The following SLC29A3 variants were observed in gnomAD, a reference collection of about 807,000 sequenced individuals.
SLC29A3 encodes the protein solute carrier family 29 member 3.
In SLC29A3, 18 loss-of-function variants were observed where a neutral mutation model predicts 25.4. The observed-to-expected ratio is 0.71, with a 90% CI of 0.49 to 1.05. The LOEUF is 1.05. Among genes scored for constraint, SLC29A3 ranks in the 50% least tolerant of loss-of-function variants. The pLI is 0.00. For synonymous variants in SLC29A3, 258 were observed against 267.1 expected, an observed-to-expected ratio of 0.97 and a Z score of 0.33; for missense variants, 586 against 609.0, an observed-to-expected ratio of 0.96 and a Z score of 0.40.
intron 1 of SLC29A3, among the ~76,000 whole-genome samples, chr10:71,322,172 C>T (rs1845860172): frequency 6.6e-6 from 1 of 152,000 alleles, no homozygotes; most frequent in Non-Finnish European, 1.5e-5. Flanking sequence ...TTAGAGACAG[C>T]CACTGTTAGA....
downstream of SLC29A3, among the ~76,000 whole-genome samples, chr10:71,368,142 A>G (rs1395830964): frequency 6.6e-6 from 1 of 152,122 alleles, no homozygotes; most frequent in Non-Finnish European, 1.5e-5. Context: ...AGGCAGGAGG[A>G]TTGTTTGAGC....
chr10:71,330,218 C>T (rs563906618), intron 2 of SLC29A3, among the ~76,000 whole-genome samples: 2 of 152,322 alleles, frequency 1.3e-5, no homozygotes, highest in South Asian at 4.1e-4. Context: ...AGCCACCCTC[C>T]TCTTCCTTCC....
chr10:71,337,115 A>G (rs976186885), intron 2 of SLC29A3, among the ~76,000 whole-genome samples: 2 of 152,154 alleles, frequency 1.3e-5, no homozygotes, highest in Non-Finnish European at 2.9e-5. Context: ...GGCTGCATCT[A>G]GCCTCCTGCC....
At chr10:71,325,800 C>T (rs1321518271) in intron 2 of SLC29A3, among the ~76,000 whole-genome samples, 2 of 152,176 alleles carry the variant, frequency 1.3e-5, no homozygotes, top group Non-Finnish European at 2.9e-5. Flanking sequence ...ACAGGGCCTT[C>T]GAGCTACCAA....
At chr10:71,323,926 T>C (rs1538899) in intron 2 of SLC29A3, among the ~76,000 whole-genome samples, 71,927 of 152,010 alleles carry the variant, frequency 0.47, 17,952 homozygotes, top group African/African-American at 0.65. Flanking sequence ...GATCATTGCC[T>C]GGGGCCTTGA....
chr10:71,329,059 G>A (rs934287318), intron 2 of SLC29A3, among the ~76,000 whole-genome samples: 4 of 152,184 alleles, frequency 2.6e-5, no homozygotes, highest in African/African-American at 9.7e-5. Flanking sequence ...CTGCCATGCA[G>A]CCTGTACCCA....
chr10:71,320,659 T>A (rs373369600), intron 1 of SLC29A3, among the ~76,000 whole-genome samples: 1 of 152,196 alleles, frequency 6.6e-6, no homozygotes, highest in African/African-American at 2.4e-5. Context: ...CAGGGGAGTT[T>A]AAAATAGACT....
intron 2 of SLC29A3, among the ~76,000 whole-genome samples, chr10:71,334,853 T>G (rs1482133577): frequency 6.6e-6 from 1 of 152,198 alleles, no homozygotes; most frequent in Non-Finnish European, 1.5e-5. Context: ...CTGTTCCCTC[T>G]GTCCAGGCTC....
intron 4 of SLC29A3, among the ~76,000 whole-genome samples, chr10:71,378,945 T>C (rs1847281458): frequency 6.6e-6 from 1 of 152,212 alleles, no homozygotes; most frequent in Non-Finnish European, 1.5e-5. Context: ...AACACCACCT[T>C]AGATGAGAAC....
intron 2 of SLC29A3, among the ~76,000 whole-genome samples, chr10:71,337,673 A>G (rs928482226): frequency 6.6e-6 from 1 of 152,312 alleles, no homozygotes; most frequent in African/African-American, 2.4e-5. Context: ...AAAGTGCCCA[A>G]ATGGCATTCA....
chr10:71,358,558 T>C (rs1467066997), intron 5 of SLC29A3, among the ~76,000 whole-genome samples: 1 of 152,216 alleles, frequency 6.6e-6, no homozygotes, highest in Non-Finnish European at 1.5e-5. Flanking sequence ...CCCAGCATCC[T>C]GTACACTGCC....
In SLC29A3 at chr10:71,334,304, G is replaced by A. The variant is rs113257634; in HGVS notation, c.301-9905G>A. ...GCCCTTGACAACATGTAAACAAATGGGCTGACCGAAGGCCGACCGCGTTCC... is the reference window on the plus strand; with the variant it reads ...GCCCTTGACAACATGTAAACAAATGAGCTGACCGAAGGCCGACCGCGTTCC... On this transcript the variant is annotated intron_variant, in intron 2 of 5. Coordinates refer to ENST00000373189, the MANE Select transcript of SLC29A3 (RefSeq NM_018344.6). 9.3e-3 allele frequency among the ~76,000 whole-genome samples: 1,409 copies of A among 152,308 alleles called. 5 individuals carry two copies. Among genetic ancestry groups the A allele is most frequent in the Non-Finnish European group, 0.015 (1,034 of 68,032 alleles).
At chr10:71,354,029 T>A (rs1797008420) in intron 4 of SLC29A3, among the ~76,000 whole-genome samples, 1 of 152,196 alleles carries the variant, frequency 6.6e-6, no homozygotes, top group African/African-American at 2.4e-5. Flanking sequence ...GCAAAATGTC[T>A]AGGCGGGGAT....
At chr10:71,356,049 C>T (rs1186768508) in intron 4 of SLC29A3, 32 bp from the exon 5 acceptor site, 1 of 1,612,360 alleles carries the variant, frequency 6.2e-7, no homozygotes, top group Non-Finnish European at 8.5e-7. Context: ...GCCCACCCCT[C>T]ACCATCTCTG....
At chr10:71,348,899 C>T (rs1048826981) in intron 3 of SLC29A3, among the ~76,000 whole-genome samples, 1 of 152,168 alleles carries the variant, frequency 6.6e-6, no homozygotes, top group African/African-American at 2.4e-5. Flanking sequence ...GGAAGGCAGT[C>T]AGCAGAGGAT....
chr10:71,341,217 G>A (rs1846399164), intron 2 of SLC29A3, among the ~76,000 whole-genome samples: 1 of 151,766 alleles, frequency 6.6e-6, no homozygotes, highest in South Asian at 2.1e-4. Flanking sequence ...GTGGGGGTCA[G>A]CTCCTCCTTT....
chr10:71,323,752 G>A (rs1355093662), intron 2 of SLC29A3, among the ~76,000 whole-genome samples: 1 of 152,208 alleles, frequency 6.6e-6, no homozygotes, highest in Non-Finnish European at 1.5e-5. Context: ...ATCACCATGG[G>A]AGAGATTGCT....
At chr10:71,322,290 C>T (rs1193210646) in intron 1 of SLC29A3, among the ~76,000 whole-genome samples, 2 of 152,228 alleles carry the variant, frequency 1.3e-5, no homozygotes, top group Non-Finnish European at 2.9e-5. Context: ...ATATTCTACA[C>T]ACCATCCTGC....
intron 2 of SLC29A3, among the ~76,000 whole-genome samples, chr10:71,333,906 C>T (rs1231497948): frequency 2.0e-5 from 3 of 152,180 alleles, no homozygotes; most frequent in African/African-American, 7.2e-5. Context: ...ATTCTGGTTA[C>T]AGCCTGAGAG....
Sources: gnomAD v4.1 joint callset for allele counts (sites outside exome capture counted in the v4.1 genomes callset) on GRCh38, gnomAD v4.1.1 for gene constraint, MANE v1.5 for transcripts, NCBI Gene and HGNC (gene_info 2026-07-23, HGNC 2026-07-21) for gene names.